The following LCT variants were observed in gnomAD, a reference collection of about 807,000 sequenced individuals.
The protein encoded by LCT is lactase/phlorizin hydrolase.
A neutral mutation model predicts 173.0 loss-of-function variants in LCT; 90 were observed. That is an observed-to-expected ratio of 0.52 (90% confidence interval 0.44 to 0.62). The LOEUF (loss-of-function observed/expected upper bound fraction) is 0.62, where lower values mean the gene tolerates loss of function less well. LCT is among the 20% of genes least tolerant of loss of function. The pLI, the probability that LCT is intolerant of heterozygous loss-of-function variation, is 0.00. For missense variants in LCT, 1,864 were observed against 2,431.4 expected, an observed-to-expected ratio of 0.77 and a Z score of 4.91; for synonymous variants, 853 against 957.6, an observed-to-expected ratio of 0.89 and a Z score of 2.02.
rs1213226495 is a variant in LCT at position 135,835,992 on chromosome 2, ATATATATATATATATATATATATG to A, written c.640+514_640+537del. 3.8e-3 allele frequency among the ~76,000 whole-genome samples: 104 copies of A among 27,470 alleles called. 10 individuals are homozygous for A. In the Middle Eastern group the frequency reaches 0.25, roughly 66 times the overall value. 18.0% of individuals were successfully genotyped at this position (27,470 alleles called of 152,430 possible). ...TACATGTGTGTATATATATATATAT[ATATATATATATATATATATATATG>A]TATACATATTTTTTTTTTTTGAGAT... is the stretch of plus-strand genomic sequence containing the variant. On this transcript the variant is annotated intron_variant, in intron 1 of 16. Coordinates refer to ENST00000264162, the MANE Select transcript of LCT (RefSeq NM_002299.4).
At position 135,812,723 on chromosome 2, in the gene LCT, G is replaced by C. The variant is rs755767001; in HGVS notation, c.1941C>G (p.Thr647=). The change falls in exon 7 of 17, where the codon ACC becomes ACG. Residue 647 remains threonine (T), a synonymous_variant. Transcript: ENST00000264162. The part of the protein sequence containing the change: ...VDGDYPATLR[T]QIQQMNRQCS... The stretch of plus-strand genomic sequence containing the variant: ...ACTGTCTGTTCATCTGTTGGATCTG[G>C]GTCCTCAGGGTGGCTGGGTAGTCTC... 2 of 1,614,194 alleles carry C rather than the reference G, an allele frequency of 1.2e-6. No individual in the cohort carries two copies. The highest frequency in any genetic ancestry group is 1.7e-5 in the Admixed American group (1 of 60,014).
Position 135,808,851 on chromosome 2 carries a change from C to T in LCT, c.3496G>A (p.Asp1166Asn), listed in dbSNP as rs775324172. 3.1e-6 allele frequency: 5 copies of T among 1,614,200 alleles called. No individual in the cohort carries two copies. Among genetic ancestry groups the T allele is most frequent in the Non-Finnish European group, 3.4e-6 (4 of 1,180,028 alleles). Residue 1166 changes from aspartate to asparagine, a missense_variant, in exon 8 of 17, where the codon GAC becomes AAC. By Grantham distance (23) the Asp-to-Asn change is conservative. Transcript: ENST00000264162. Reference protein sequence around the residue: ...HPIFRNGDYPDTMKWKVGNRS... With the variant: ...HPIFRNGDYPNTMKWKVGNRS... ...TTCCCCACTTTCCACTTCATGGTGTCAGGATAGTCTCCGTTTCTAAAAATG... is the reference window on the plus strand; with the variant it reads ...TTCCCCACTTTCCACTTCATGGTGTTAGGATAGTCTCCGTTTCTAAAAATG...
In LCT at chr2:135,800,864, G is replaced by A; in HGVS notation, c.4664-55C>T. On this transcript the variant is annotated intron_variant, in intron 11 of 16. Transcript: ENST00000264162. Reference sequence around the variant, plus strand: ...GAATGGATAGAATGGATGTGACTGAGATTGTTAGTCCCTGCCTGCAGATGT... The same window carrying A: ...GAATGGATAGAATGGATGTGACTGAAATTGTTAGTCCCTGCCTGCAGATGT... 4 of 1,372,374 alleles carry A rather than the reference G, an allele frequency of 2.9e-6. No homozygotes were observed. In the South Asian group the frequency reaches 4.7e-5, roughly 16 times the overall value. 85.0% of individuals were successfully genotyped at this position (1,372,374 alleles called of 1,614,324 possible).
intron 5 of LCT, among the ~76,000 whole-genome samples, chr2:135,819,170 T>A (rs903695678): frequency 6.6e-6 from 1 of 152,228 alleles, no homozygotes; most frequent in Non-Finnish European, 1.5e-5. Flanking sequence ...TGTGCATGTA[T>A]ATGCATGTAC....
chr2:135,797,936 A>T, intron 13 of LCT, 93 bp downstream of exon 13: 1 of 789,272 alleles, frequency 1.3e-6, no homozygotes, highest in Non-Finnish European at 2.3e-6. Flanking sequence ...ACTTCCCAGC[A>T]AGCAAAGAAG....
In LCT at chr2:135,789,913, G is replaced by A. The variant is rs72972119; in HGVS notation, c.5336-115C>T. ...CTCCCCACCGCCTTCACAGATGGCG[G>A]TAAGCTTTGGCTTTAGCTCTGTGAG... On this transcript the variant is annotated intron_variant, in intron 15 of 16. Coordinates refer to ENST00000264162, the MANE Select transcript of LCT (RefSeq NM_002299.4). 6,320 of 833,078 alleles carry A rather than the reference G, an allele frequency of 7.6e-3. 290 individuals are homozygous for A. In the African/African-American group the frequency reaches 0.094, roughly 12 times the overall value. The allele number at this position is 833,078 out of a possible 1,614,324, so 51.6% of individuals were successfully genotyped here.
rs771272153 is a variant in LCT, at chr2:135,836,552, G to A, written c.618C>T (p.Tyr206=). The A allele has an allele frequency of 1.9e-6, 3 of 1,614,114 alleles. No individual in the cohort carries two copies. The highest frequency in any genetic ancestry group is 1.3e-5 in the African/African-American group (1 of 75,026). ...SDAHRKAYEI[Y]HESYAFQGGK... is the part of the protein sequence containing the mutation. ...CACCCTGAAAAGCATAGCTTTCGTG[G>A]TAAATCTCATAGGCTTTTCTGTGGG... Residue 206 remains tyrosine (Y), a synonymous_variant, in exon 1 of 17, where the codon TAC becomes TAT. Coordinates refer to ENST00000264162, the MANE Select transcript of LCT (RefSeq NM_002299.4).
chr2:135,807,370 G>A lies in LCT; in HGVS notation c.3931C>T (p.Arg1311Ter), dbSNP rs1291540757. The part of the protein sequence containing the change: ...KAYRLDGIDL[R>*]GYVAWSLMDN... ...ATCAGAGACCAGGCGACATACCCTC[G>A]AAGGTCTATACCATCGAGCCTGTAG... is the stretch of plus-strand genomic sequence containing the variant. Residue 1311 changes from arginine to a stop codon, truncating the protein, a stop_gained, in exon 9 of 17, where the codon CGA (arginine) becomes TGA (stop). Coordinates refer to ENST00000264162, the MANE Select transcript of LCT (RefSeq NM_002299.4). LOFTEE classifies it high-confidence loss of function. The A allele has an allele frequency of 1.2e-6, 2 of 1,614,068 alleles. No homozygotes were observed. Among genetic ancestry groups the A allele is most frequent in the East Asian group, 2.2e-5 (1 of 44,874 alleles).
intron 10 of LCT, 127 bp downstream of exon 10, chr2:135,804,640 A>G: frequency 1.0e-6 from 1 of 969,966 alleles, no homozygotes; most frequent in South Asian, 1.5e-5. Context: ...ACTACGTCTC[A>G]AAAACAACAA....
intron 10 of LCT, among the ~76,000 whole-genome samples, chr2:135,804,417 C>T (rs2077651829): frequency 6.6e-6 from 1 of 152,168 alleles, no homozygotes; most frequent in African/African-American, 2.4e-5. Flanking sequence ...CACGGTGGCT[C>T]ATACCTATAA....
intron 11 of LCT, among the ~76,000 whole-genome samples, chr2:135,801,663 C>T (rs905223114): frequency 6.6e-5 from 10 of 150,862 alleles, no homozygotes; most frequent in South Asian, 6.5e-4. Context: ...TGCAGTGAGC[C>T]GAGGGGTTCA....
chr2:135,804,639 CA>C, intron 10 of LCT, 127 bp downstream of exon 10: 1 of 967,252 alleles, frequency 1.0e-6, no homozygotes, highest in Non-Finnish European at 1.6e-6. Context: ...GACTACGTCT[CA>C]AAAACAACAA....
intron 2 of LCT, among the ~76,000 whole-genome samples, chr2:135,832,436 T>A (rs1434758913): frequency 6.7e-6 from 1 of 150,156 alleles, no homozygotes; most frequent in Non-Finnish European, 1.5e-5. Flanking sequence ...TGTAAAAAAA[T>A]AAATAAATAA....
Position 135,792,563 on chromosome 2 carries a change from G to A in LCT, c.5112-1682C>T, listed in dbSNP as rs187110825. ...GCGCACTGTTGGCAGGGCACAGCAG[G>A]AGTGAGACTGGCCTTGCTGGCTGCA... is the stretch of plus-strand genomic sequence containing the variant. On this transcript the variant is annotated intron_variant, in intron 14 of 16. Transcript: ENST00000264162. Among the ~76,000 whole-genome samples the A allele has an allele frequency of 9.2e-5, 14 of 152,300 alleles. No individual in the cohort carries two copies. In the East Asian group the frequency reaches 2.1e-3, roughly 23 times the overall value.
At chr2:135,830,301 C>G (rs1466202936) in intron 2 of LCT, among the ~76,000 whole-genome samples, 6 of 152,260 alleles carry the variant, frequency 3.9e-5, no homozygotes, top group African/African-American at 1.2e-4. Flanking sequence ...ATGAGGATGT[C>G]CCCTCTGCCC....
chr2:135,817,482 A>C lies in LCT; in HGVS notation c.1566T>G (p.Tyr522Ter), dbSNP rs1200034961. 4 of 1,614,086 alleles carry C rather than the reference A, an allele frequency of 2.5e-6. No homozygotes were observed. The highest frequency in any genetic ancestry group is 3.4e-6 in the Non-Finnish European group (4 of 1,180,048). ...CAAATGTGGAGAAGCAGAAGGCCGC[A>C]TAGTCCAGGAAGGCATCCACCACGC... ...NESVVDAFLD[Y>*]AAFCFSTFGD... The change falls in exon 6 of 17, where the codon TAT (tyrosine) becomes TAG (stop). Residue 522 changes from tyrosine to a stop codon, truncating the protein, a stop_gained. Coordinates refer to ENST00000264162, the MANE Select transcript of LCT (RefSeq NM_002299.4). LOFTEE classifies it high-confidence loss of function.
chr2:135,826,694 T>C (rs2077892211), intron 3 of LCT, among the ~76,000 whole-genome samples: 1 of 152,198 alleles, frequency 6.6e-6, no homozygotes, highest in South Asian at 2.1e-4. Flanking sequence ...GGTTTTAAAA[T>C]GGCAGCTTTG....
chr2:135,823,542 C>T (rs958033880), intron 4 of LCT, among the ~76,000 whole-genome samples: 9 of 152,092 alleles, frequency 5.9e-5, no homozygotes, highest in African/African-American at 1.4e-4. Context: ...TGGAGAGAGA[C>T]GGGCAGAGGA....
rs570742138 is a variant in LCT at position 135,797,979 on chromosome 2, C to T, written c.4976+50G>A. The stretch of plus-strand genomic sequence containing the variant: ...ATGGTAACTTGCCCGAGACATGCCT[C>T]TGTGACCCCGACGCCCATGCCCTCA... On this transcript the variant is annotated intron_variant, in intron 13 of 16. Transcript: ENST00000264162. 3.0e-6 allele frequency: 3 copies of T among 1,013,718 alleles called. No homozygotes were observed. The Admixed American group carries it at 5.1e-5, about 17-fold the overall frequency. 62.8% of individuals were successfully genotyped at this position (1,013,718 alleles called of 1,614,324 possible).
Sources: gnomAD v4.1 joint callset for allele counts (sites outside exome capture counted in the v4.1 genomes callset) on GRCh38, gnomAD v4.1.1 for gene constraint, MANE v1.5 for transcripts, NCBI Gene and HGNC (gene_info 2026-07-23, HGNC 2026-07-21) for gene names.